Variants in SLC19A1 observed in about 807,000 individuals in gnomAD.
The protein encoded by SLC19A1 is reduced folate transporter.
In SLC19A1, 37 loss-of-function variants were observed where a neutral mutation model predicts 35.3. That is an observed-to-expected ratio of 1.05 (90% CI 0.81 to 1.38). SLC19A1 has a LOEUF of 1.38. SLC19A1 is among the 40% of genes most tolerant of loss of function. SLC19A1 has a pLI of 0.00. For missense variants in SLC19A1, 831 were observed against 826.9 expected (o/e 1.00, Z -0.06); for synonymous variants, 460 against 398.5 (o/e 1.15, Z -1.84).
chr21:45,542,636 G>A (rs2078349171), upstream of SLC19A1, among the ~76,000 whole-genome samples: 1 of 150,974 alleles, frequency 6.6e-6, no homozygotes, highest in African/African-American at 2.4e-5. Flanking sequence ...GGGTCACGCG[G>A]CCCCTCGTGC....
intron 3 of SLC19A1, 100 bp from the exon 4 acceptor site, chr21:45,531,071 G>A: frequency 1.5e-6 from 1 of 659,768 alleles, no homozygotes; most frequent in Non-Finnish European, 2.2e-6. Flanking sequence ...GGGGCAGGGG[G>A]CGGGGACGGG....
rs763380658 is a variant in SLC19A1, at chr21:45,537,792, G to C, written c.168C>G (p.Asp56Glu). 1.3e-6 allele frequency: 2 copies of C among 1,485,212 alleles called. No individual in the cohort carries two copies. The highest frequency in any genetic ancestry group is 1.2e-5 in the South Asian group (1 of 81,132). The allele number at this position is 1,485,212 out of a possible 1,614,324, so 92.0% of individuals were successfully genotyped here. The change falls in exon 2 of 6, where the codon GAC becomes GAG. Residue 56 changes from aspartate to glutamate, a missense_variant. Physicochemically the swap from Asp to Glu is conservative, Grantham distance 45. Coordinates refer to ENST00000311124, the MANE Select transcript of SLC19A1 (RefSeq NM_194255.4). ...SFITPYLLGP[D>E]KNFTREQVTN... ...ATGCCTGCTCCCGCGTGAAGTTCTTGTCGGGCCCCAGGAGGTAGGGGGTGA... is the reference window on the plus strand; with the variant it reads ...ATGCCTGCTCCCGCGTGAAGTTCTTCTCGGGCCCCAGGAGGTAGGGGGTGA...
intron 5 of SLC19A1, 23 bp from the exon 6 acceptor site, chr21:45,516,163 G>C: frequency 6.3e-7 from 1 of 1,593,616 alleles, no homozygotes; most frequent in South Asian, 1.1e-5. Flanking sequence ...GCCGGGTGAG[G>C]CGGGTGGGGA....
intron 5 of SLC19A1, among the ~76,000 whole-genome samples, chr21:45,518,156 T>C (rs2038061210): frequency 6.6e-6 from 1 of 151,840 alleles, no homozygotes; most frequent in Admixed American, 6.6e-5. Flanking sequence ...AAAAACACAG[T>C]CTCAGCAAAG....
Position 45,514,981 on chromosome 21 carries a change from A to C in SLC19A1, c.*677T>G. The C allele has an allele frequency of 6.6e-7, 1 of 1,508,786 alleles. No individual in the cohort carries two copies. The allele number at this position is 1,508,786 out of a possible 1,614,324, so 93.5% of individuals were successfully genotyped here. On this transcript the variant is annotated 3_prime_UTR_variant, in exon 6 of 6. Transcript: ENST00000311124. ...AGCAGCTGAGGACCCGCAGGTCAGG[A>C]TGGACACACTTCAGAAGGACAGACA... is the stretch of plus-strand genomic sequence containing the variant.
rs934048336 is a variant in SLC19A1 at position 45,514,701 on chromosome 21, A to G, written c.*957T>C. 8 of 327,818 alleles carry G rather than the reference A, an allele frequency of 2.4e-5. No homozygotes were observed. The highest frequency in any genetic ancestry group is 4.3e-5 in the African/African-American group (2 of 46,788). 20.3% of individuals were successfully genotyped at this position (327,818 alleles called of 1,614,324 possible). ...CCAGGCCAGGCCGGCCCTGAATCAG[A>G]AGCCCTGCGCACACTCACTTAAGTG... On this transcript the variant is annotated 3_prime_UTR_variant, in exon 6 of 6. Transcript: ENST00000311124.
At chr21:45,527,824 T>C (rs1325821685) in intron 4 of SLC19A1, among the ~76,000 whole-genome samples, 2 of 150,948 alleles carry the variant, frequency 1.3e-5, no homozygotes, top group South Asian at 2.1e-4. Flanking sequence ...GGCATGAACA[T>C]GTCCAGGAAT....
downstream of SLC19A1, chr21:45,510,211 A>G: frequency 6.2e-7 from 1 of 1,605,652 alleles, no homozygotes; most frequent in South Asian, 1.1e-5. Flanking sequence ...GGACCTGTAC[A>G]GCATCGTGCG....
chr21:45,509,972 C>T (rs2037477034), downstream of SLC19A1: 3 of 1,425,046 alleles, frequency 2.1e-6, no homozygotes, highest in South Asian at 3.8e-5. Flanking sequence ...CCGTGCCTGT[C>T]CACACAGGTG....
rs188702264 is a variant in SLC19A1 at position 45,527,890 on chromosome 21, C to T, written c.1152-1932G>A. Among the ~76,000 whole-genome samples, 4 of 146,082 alleles carry T rather than the reference C, an allele frequency of 2.7e-5. No homozygotes were observed. In the East Asian group the frequency reaches 8.1e-4, roughly 29 times the overall value. On this transcript the variant is annotated intron_variant, in intron 4 of 5. Coordinates refer to ENST00000311124, the MANE Select transcript of SLC19A1 (RefSeq NM_194255.4). ...GACACGCCAGGCTTCTGGTGCTCTG[C>T]AAAGAAACTAGTCTTCCGATGCAGT...
At chr21:45,509,119 A>G (rs2037419672), downstream of SLC19A1, among the ~76,000 whole-genome samples, 1 of 152,074 alleles carries the variant, frequency 6.6e-6, no homozygotes, top group African/African-American at 2.4e-5. Flanking sequence ...GCTTCTGAGC[A>G]CGGCTGGGTC....
intron 3 of SLC19A1, among the ~76,000 whole-genome samples, chr21:45,503,708 G>C (rs2037000187): frequency 6.6e-6 from 1 of 151,550 alleles, no homozygotes; most frequent in South Asian, 2.1e-4. Flanking sequence ...AGTGGGTGCA[G>C]CACACCAGCA....
chr21:45,537,835 C>T lies in SLC19A1; in HGVS notation c.125G>A (p.Arg42Gln), dbSNP rs1353024617. ...GGGGGTGATGAAGCTCTCCCCTGGC[C>T]GTATCTGCGCCATGAAGCCGTAGAA... ...LCFYGFMAQI[R>Q]PGESFITPYL... The change falls in exon 2 of 6, where the codon CGG becomes CAG. Residue 42 changes from arginine to glutamine, a missense_variant. Arg to Gln is a conservative substitution (Grantham distance 43, BLOSUM62 1). Transcript: ENST00000311124. 7.2e-5 allele frequency: 115 copies of T among 1,607,500 alleles called. No homozygotes were observed. The highest frequency in any genetic ancestry group is 9.7e-5 in the Non-Finnish European group (114 of 1,178,254).
rs185313395 is a variant in SLC19A1, at chr21:45,517,572, C to T, written c.1294-1432G>A. 2.6e-5 allele frequency among the ~76,000 whole-genome samples: 4 copies of T among 152,164 alleles called. No individual in the cohort carries two copies. Among genetic ancestry groups the T allele is most frequent in the Admixed American group, 2.0e-4 (3 of 15,276 alleles). ...GGAGACCATGTGGGGAGCCTAGTCA[C>T]CCCCGAAGCCTCACGGAGTCAGCAG... On this transcript the variant is annotated intron_variant, in intron 5 of 5. Coordinates refer to ENST00000311124, the MANE Select transcript of SLC19A1 (RefSeq NM_194255.4). This position sits in a 1 kb window ranked among gnomAD's most constrained non-coding sequence, Gnocchi z 4.4.
At chr21:45,522,529 C>T (rs189172530) in intron 5 of SLC19A1, among the ~76,000 whole-genome samples, 1 of 152,282 alleles carries the variant, frequency 6.6e-6, no homozygotes, top group African/African-American at 2.4e-5. Context: ...TATATTCACA[C>T]AAAAACCTAT....
chr21:45,504,273 G>A (rs545858328), intron 3 of SLC19A1: 57 of 920,320 alleles, frequency 6.2e-5, no homozygotes, highest in South Asian at 1.6e-4. Flanking sequence ...GTGGGGAGTC[G>A]AGCCCTATTC....
chr21:45,504,085 C>T (rs761888817), intron 3 of SLC19A1: 10 of 1,612,178 alleles, frequency 6.2e-6, no homozygotes, highest in South Asian at 4.4e-5. Context: ...GTTGGGGGCC[C>T]CCAAGGTCCT....
At chr21:45,547,533 C>T (rs1250815924), upstream of SLC19A1, among the ~76,000 whole-genome samples, 1 of 152,210 alleles carries the variant, frequency 6.6e-6, no homozygotes, top group African/African-American at 2.4e-5. Flanking sequence ...TCATCTGCTG[C>T]TAAAACTTTG....
chr21:45,543,301 A>G (rs138469028), upstream of SLC19A1, among the ~76,000 whole-genome samples: 742 of 152,284 alleles, frequency 4.9e-3, 5 homozygotes, highest in Non-Finnish European at 8.7e-3. Flanking sequence ...TTTCCCCTGG[A>G]GTTACCCAGG....
Sources: gnomAD v4.1 joint callset for allele counts (sites outside exome capture counted in the v4.1 genomes callset) on GRCh38, gnomAD v4.1.1 for gene constraint, Gnocchi (gnomAD v3.1) non-coding constraint, MANE v1.5 for transcripts, NCBI Gene and HGNC (gene_info 2026-07-23, HGNC 2026-07-21) for gene names.